PHF6: variants seen among roughly 807,000 people sequenced by gnomAD.
PHF6 encodes PHD finger protein 6, also known as PHD-like zinc finger protein.
Under a neutral mutation model 34.0 loss-of-function variants are expected in PHF6, and 7 were observed. The observed-to-expected ratio is 0.21, with a 90% CI of 0.12 to 0.39. The LOEUF (loss-of-function observed/expected upper bound fraction) is 0.39, where lower values mean the gene tolerates loss of function less well. PHF6 is among the 10% of genes least tolerant of loss of function. The pLI is 1.00. For missense variants in PHF6, 128 were observed against 262.8 expected (o/e 0.49, Z 3.55); for synonymous variants, 89 against 88.4 (o/e 1.01, Z -0.04).
intron 3 of PHF6, among the ~76,000 whole-genome samples, chrX:134,387,452 T>C (rs6638218): frequency 0.3 from 33,384 of 109,922 alleles, 4,384 homozygotes; most frequent in East Asian, 0.65. Flanking sequence ...TAGGTGTGGA[T>C]GAGGTGTTCT....
chrX:134,422,554 G>T (rs1569345388), intron 9 of PHF6, among the ~76,000 whole-genome samples: 2 of 112,034 alleles, frequency 1.8e-5, no homozygotes, highest in Non-Finnish European at 3.8e-5. Context: ...TCTGAATGAA[G>T]TGGCTTCCCT....
chrX:134,419,362 T>G (rs2077483124), intron 9 of PHF6: 1 of 109,876 alleles, frequency 9.1e-6, no homozygotes, highest in African/African-American at 3.3e-5. Flanking sequence ...CATCTCTATA[T>G]AATTTTAAAA....
intron 5 of PHF6, among the ~76,000 whole-genome samples, chrX:134,406,275 A>T (rs1415168304): frequency 9.0e-6 from 1 of 110,795 alleles, no homozygotes; most frequent in African/African-American, 3.3e-5. Context: ...AGCATTTTTC[A>T]CAAGTAATTT....
rs2077507321 is a variant in PHF6 at position 134,426,289 on chromosome X, G to C, written c.*629G>C. 6.2e-6 allele frequency: 1 copy of C among 161,773 alleles called. No individual in the cohort carries two copies. The highest frequency in any genetic ancestry group is 3.0e-5 in the African/African-American group (1 of 33,308). 13.3% of individuals were successfully genotyped at this position (161,773 alleles called of 1,213,427 possible). On this transcript the variant is annotated 3_prime_UTR_variant, in exon 11 of 11. Transcript: ENST00000370803. ...ATAAGCTATGAGCTCCAGTGCTTTT[G>C]CCAAAATTCTCTTGACAGCACACCT...
At chrX:134,390,228 T>G (rs1247881238) in intron 3 of PHF6, among the ~76,000 whole-genome samples, 7 of 112,136 alleles carry the variant, frequency 6.2e-5, no homozygotes, top group Non-Finnish European at 1.3e-4. Flanking sequence ...TGCTATTTTG[T>G]TAGTACCTTG....
chrX:134,406,582 CGTTGGG>C (rs2077426141), intron 5 of PHF6, among the ~76,000 whole-genome samples: 4 of 111,183 alleles, frequency 3.6e-5, no homozygotes, highest in African/African-American at 1.3e-4. Flanking sequence ...TGTCCTGGTA[CGTTGGG>C]CATTCCCCTC....
chrX:134,398,957 G>GA (rs770479988), intron 5 of PHF6, among the ~76,000 whole-genome samples: 1 of 111,519 alleles, frequency 9.0e-6, no homozygotes. Flanking sequence ...GTGAGTGGAG[G>GA]AAAAATCCCC....
At chrX:134,422,204 G>A (rs972130522) in intron 9 of PHF6, among the ~76,000 whole-genome samples, 2 of 111,664 alleles carry the variant, frequency 1.8e-5, no homozygotes, top group Admixed American at 9.6e-5. Flanking sequence ...ATTACAGCAT[G>A]AGCCATTGTG....
intron 3 of PHF6, among the ~76,000 whole-genome samples, chrX:134,392,076 A>G (rs2077357190): frequency 8.9e-6 from 1 of 111,964 alleles, no homozygotes; most frequent in African/African-American, 3.2e-5. Context: ...TTTCTGACAT[A>G]TGAATATTTT....
chrX:134,391,268 C>T (rs1206220188), intron 3 of PHF6, among the ~76,000 whole-genome samples: 1 of 111,384 alleles, frequency 9.0e-6, no homozygotes, highest in Non-Finnish European at 1.9e-5. Context: ...GCTGCTGTAC[C>T]CGGACCTAAA....
chrX:134,402,733 T>G (rs2077407840), intron 5 of PHF6, among the ~76,000 whole-genome samples: 1 of 112,518 alleles, frequency 8.9e-6, no homozygotes, highest in Non-Finnish European at 1.9e-5. Context: ...GTGGCAACCT[T>G]GCATTGAGCA....
At chrX:134,396,497 A>G (rs776914185) in intron 5 of PHF6, among the ~76,000 whole-genome samples, 1 of 111,071 alleles carries the variant, frequency 9.0e-6, no homozygotes, top group African/African-American at 3.3e-5. Context: ...TTTCAAGACA[A>G]CTTTTCTTTT....
At chrX:134,414,808 TG>T (rs1440403299) in intron 7 of PHF6, among the ~76,000 whole-genome samples, 2 of 112,288 alleles carry the variant, frequency 1.8e-5, no homozygotes, top group Non-Finnish European at 3.8e-5. Context: ...GGCTCCACAC[TG>T]GCAGTCCTCA....
chrX:134,375,914 A>G (rs980195079), intron 1 of PHF6, among the ~76,000 whole-genome samples: 1 of 110,416 alleles, frequency 9.1e-6, no homozygotes, highest in Non-Finnish European at 1.9e-5. Context: ...TCCTAAAAGT[A>G]TTTGCTGCCT....
intron 3 of PHF6, among the ~76,000 whole-genome samples, chrX:134,383,305 G>C (rs757962670): frequency 1.2e-3 from 128 of 110,471 alleles, no homozygotes; most frequent in Admixed American, 1.7e-3. Flanking sequence ...TTCTACCCAA[G>C]TAACCTGAAA....
chrX:134,376,218 A>G (rs2077277718), intron 1 of PHF6, among the ~76,000 whole-genome samples: 1 of 112,335 alleles, frequency 8.9e-6, no homozygotes, highest in Non-Finnish European at 1.9e-5. Context: ...CCTTCCTAGC[A>G]TACAGCTGCT....
intron 5 of PHF6, among the ~76,000 whole-genome samples, chrX:134,407,443 C>T (rs771640700): frequency 8.9e-6 from 1 of 111,982 alleles, no homozygotes; most frequent in Non-Finnish European, 1.9e-5. Flanking sequence ...CAAGTCATAA[C>T]CATAGGGGGC....
chrX:134,385,214 G>T (rs1404804392), intron 3 of PHF6, among the ~76,000 whole-genome samples: 2 of 111,072 alleles, frequency 1.8e-5, no homozygotes, highest in East Asian at 5.6e-4. Context: ...TGTCCCCGCT[G>T]CGGTGCCTGT....
chrX:134,384,691 G>T (rs772291249), intron 3 of PHF6, among the ~76,000 whole-genome samples: 1 of 106,626 alleles, frequency 9.4e-6, no homozygotes, highest in Non-Finnish European at 1.9e-5. Context: ...TTGCTCTGTC[G>T]CCCAGGCTGG....
Sources: allele counts gnomAD v4.1 joint callset (sites outside exome capture counted in the v4.1 genomes callset), GRCh38; gene constraint gnomAD v4.1.1; transcripts MANE v1.5; gene names NCBI Gene and HGNC (gene_info 2026-07-23, HGNC 2026-07-21).